ATP8B4: variants seen among roughly 807,000 people sequenced by gnomAD.
ATP8B4 encodes ATPase phospholipid transporting 8B4 (putative).
In ATP8B4, 133 loss-of-function variants were observed where a neutral mutation model predicts 145.6. The ratio of observed to expected loss-of-function variants is 0.91; its 90% CI spans 0.79 to 1.05. The LOEUF (loss-of-function observed/expected upper bound fraction) is 1.05, where lower values mean the gene tolerates loss of function less well. Among genes scored for constraint, ATP8B4 ranks in the 50% least tolerant of loss-of-function variants. The probability of loss-of-function intolerance (pLI) is 0.00; values close to 1 mark genes in which losing one functional copy is unlikely to be tolerated. For missense variants in ATP8B4, 1,458 were observed against 1,425.2 expected (o/e 1.02, Z -0.37); for synonymous variants, 507 against 492.9 (o/e 1.03, Z -0.38).
In ATP8B4 at chr15:49,979,612, C is replaced by G; in HGVS notation, c.1034+5G>C. 6.9e-7 allele frequency: 1 copy of G among 1,450,386 alleles called. No homozygotes were observed. The highest frequency in any genetic ancestry group is 9.3e-7 in the Non-Finnish European group (1 of 1,077,366). The allele number at this position is 1,450,386 out of a possible 1,614,324, so 89.8% of individuals were successfully genotyped here. A position where few individuals can be genotyped will look rare whatever the true frequency, so the allele number is the denominator to read the frequency against. Reference sequence around the variant, plus strand: ...ATTTCATTAAAATATAAACTCTCATCTTACCTCACATATAAGGAAATGGGT... The same window carrying G: ...ATTTCATTAAAATATAAACTCTCATGTTACCTCACATATAAGGAAATGGGT... On this transcript the variant is annotated splice_donor_5th_base_variant and intron_variant, in intron 12 of 27. Transcript: ENST00000284509.
At chr15:50,134,160 A>G (rs1039506641) in intron 1 of ATP8B4, among the ~76,000 whole-genome samples, 2 of 152,148 alleles carry the variant, frequency 1.3e-5, no homozygotes, top group Non-Finnish European at 2.9e-5. Context: ...ATTAATATGT[A>G]AGAATGATAG....
chr15:49,974,626 T>C (rs546468057), intron 12 of ATP8B4, among the ~76,000 whole-genome samples: 2 of 152,282 alleles, frequency 1.3e-5, no homozygotes, highest in East Asian at 3.9e-4. Context: ...GTAGTTTTGT[T>C]TAGATATGTC....
chr15:50,052,576 T>C (rs767539239), intron 3 of ATP8B4, among the ~76,000 whole-genome samples: 19 of 152,226 alleles, frequency 1.2e-4, no homozygotes, highest in African/African-American at 4.1e-4. Flanking sequence ...TCCTCCAAGA[T>C]TGGCCCATCG....
chr15:50,092,494 A>G (rs1211171404), intron 2 of ATP8B4, among the ~76,000 whole-genome samples: 1 of 152,130 alleles, frequency 6.6e-6, no homozygotes, highest in Non-Finnish European at 1.5e-5. Context: ...TTAAAAAGAT[A>G]ACAAGATGGA....
chr15:50,042,996 G>T lies in ATP8B4; in HGVS notation c.300+1598C>A, dbSNP rs2051421165. On this transcript the variant is annotated intron_variant, in intron 5 of 27. Coordinates refer to ENST00000284509, the MANE Select transcript of ATP8B4 (RefSeq NM_024837.4). ...ATGGGTTAAATATTCCAATTGAAAG[G>T]CAGAGATTTTCAGATTTTATTAAAA... 2.0e-5 allele frequency among the ~76,000 whole-genome samples: 3 copies of T among 152,128 alleles called. No homozygotes were observed. The South Asian group carries it at 6.2e-4, about 32-fold the overall frequency.
At chr15:50,167,191 T>C (rs1247069616) in intron 1 of ATP8B4, among the ~76,000 whole-genome samples, 1 of 152,248 alleles carries the variant, frequency 6.6e-6, no homozygotes, top group Non-Finnish European at 1.5e-5. Flanking sequence ...TGAAACACAA[T>C]GTGGTTTAGC....
intron 9 of ATP8B4, among the ~76,000 whole-genome samples, chr15:49,993,577 A>G (rs928034515): frequency 2.6e-5 from 4 of 152,164 alleles, no homozygotes; most frequent in Non-Finnish European, 5.9e-5. Flanking sequence ...TTTGGCTGCT[A>G]ACTGGGGGGA....
intron 3 of ATP8B4, among the ~76,000 whole-genome samples, chr15:50,072,991 T>TAC (rs2053912694): frequency 3.6e-4 from 9 of 25,112 alleles, no homozygotes; most frequent in Non-Finnish European, 5.0e-4. Context: ...TATATATATA[T>TAC]ATATATATAT....
At chr15:50,106,858 T>G in intron 2 of ATP8B4, 81 bp downstream of exon 2, 2 of 1,394,544 alleles carry the variant, frequency 1.4e-6, no homozygotes, top group East Asian at 5.1e-5. Context: ...GCTTTTTATA[T>G]ATAAATTAAA....
At chr15:50,011,219 A>C (rs2048701565) in intron 6 of ATP8B4, among the ~76,000 whole-genome samples, 1 of 152,166 alleles carries the variant, frequency 6.6e-6, no homozygotes, top group African/African-American at 2.4e-5. Context: ...AAATCTCAAT[A>C]AATTTTAGTC....
At chr15:49,933,664 A>G (rs1211587799) in intron 15 of ATP8B4, among the ~76,000 whole-genome samples, 3 of 152,104 alleles carry the variant, frequency 2.0e-5, no homozygotes, top group Non-Finnish European at 4.4e-5. Flanking sequence ...ACTGTATTTC[A>G]GTATTTGTCC....
At position 50,074,155 on chromosome 15, in the gene ATP8B4, C is replaced by G. The variant is rs755515439; in HGVS notation, c.59G>C (p.Arg20Pro). 6.2e-7 allele frequency: 1 copy of G among 1,612,772 alleles called. No homozygotes were observed. The highest frequency in any genetic ancestry group is 8.5e-7 in the Non-Finnish European group (1 of 1,179,242). Residue 20 changes from arginine to proline, a missense_variant, in exon 3 of 28, where the codon CGT becomes CCT. Coordinates refer to ENST00000284509, the MANE Select transcript of ATP8B4 (RefSeq NM_024837.4). ...EVERIVKANDREYNEKFQYAD... is the reference protein window; with the variant it reads ...EVERIVKANDPEYNEKFQYAD... ...ATACTGGAACTTTTCATTATATTCA[C>G]GGTCATTGGCTTTCACTATCCGTTC... is the stretch of plus-strand genomic sequence containing the variant.
At chr15:50,130,648 C>T (rs575293563) in intron 1 of ATP8B4, among the ~76,000 whole-genome samples, 7 of 151,844 alleles carry the variant, frequency 4.6e-5, no homozygotes, top group Non-Finnish European at 7.4e-5. Flanking sequence ...TGGTGGCAGG[C>T]GCCTGTAGTC....
chr15:50,010,787 TCC>T, intron 7 of ATP8B4, 56 bp downstream of exon 7: 1 of 1,170,170 alleles, frequency 8.5e-7, no homozygotes, highest in African/African-American at 1.6e-5. Flanking sequence ...TGTAAATACT[TCC>T]ATATATATGC....
chr15:49,983,477 C>T (rs926337081), intron 10 of ATP8B4, among the ~76,000 whole-genome samples: 13 of 152,172 alleles, frequency 8.5e-5, no homozygotes, highest in African/African-American at 3.1e-4. Context: ...CTGAATTTAT[C>T]TACTTCCCTC....
chr15:50,144,499 A>C (rs2044250951), intron 1 of ATP8B4, among the ~76,000 whole-genome samples: 1 of 152,188 alleles, frequency 6.6e-6, no homozygotes, highest in Non-Finnish European at 1.5e-5. Flanking sequence ...GCAGGAGAGA[A>C]GAGCAAAAAG....
chr15:49,876,329 C>T lies in ATP8B4; in HGVS notation c.2976G>A (p.Gln992=), dbSNP rs571860319. The T allele has an allele frequency of 2.6e-5, 42 of 1,614,118 alleles. 1 individual carries two copies. The South Asian group carries it at 3.7e-4, about 14-fold the overall frequency. The part of the protein sequence containing the change: ...GEDGQHIADY[Q]SFAVTMATSL... Reference sequence around the variant, plus strand: ...ATGTGGCCATGGTAACTGCAAAGGACTGGTAGTCAGCAATATGTTGCCCAT... The same window carrying T: ...ATGTGGCCATGGTAACTGCAAAGGATTGGTAGTCAGCAATATGTTGCCCAT... Residue 992 remains glutamine, a synonymous_variant, in exon 25 of 28, where the codon CAG becomes CAA. Coordinates refer to ENST00000284509, the MANE Select transcript of ATP8B4 (RefSeq NM_024837.4).
At chr15:50,005,842 G>C (rs1321446496) in intron 7 of ATP8B4, among the ~76,000 whole-genome samples, 1 of 152,176 alleles carries the variant, frequency 6.6e-6, no homozygotes, top group Non-Finnish European at 1.5e-5. Flanking sequence ...AACTACAATG[G>C]TGAAAGAATA....
intron 23 of ATP8B4, among the ~76,000 whole-genome samples, chr15:49,886,321 C>T (rs1229381959): frequency 6.6e-6 from 1 of 152,020 alleles, no homozygotes; most frequent in African/African-American, 2.4e-5. Flanking sequence ...AGGCTGTGAG[C>T]ATTCAATGAA....
Sources: allele counts gnomAD v4.1 joint callset (sites outside exome capture counted in the v4.1 genomes callset), GRCh38; gene constraint gnomAD v4.1.1; transcripts MANE v1.5; gene names NCBI Gene and HGNC (gene_info 2026-07-23, HGNC 2026-07-21).